The following PCNX4 variants were observed in gnomAD, a reference collection of about 807,000 sequenced individuals.
PCNX4 encodes the protein pecanex 4, also known as pecanex-like protein 4.
A neutral mutation model predicts 107.2 loss-of-function variants in PCNX4; 103 were observed. That is an observed-to-expected ratio of 0.96 (90% CI 0.82 to 1.13). PCNX4 has a LOEUF of 1.13. Among genes scored for constraint, PCNX4 ranks in the 50% most tolerant of loss-of-function variants. PCNX4 has a pLI of 0.00. For missense variants in PCNX4, 1,528 were observed against 1,379.4 expected, an observed-to-expected ratio of 1.11 and a Z score of -1.71; for synonymous variants, 541 against 481.7, an observed-to-expected ratio of 1.12 and a Z score of -1.61.
At chr14:60,108,621 T>G (rs1425564841) in intron 2 of PCNX4, 2 of 212,614 alleles carry the variant, frequency 9.4e-6, no homozygotes, top group African/African-American at 4.7e-5. Context: ...ATAGCCTGGC[T>G]AAAACCTGTG....
rs56808858 is a variant in PCNX4 at position 60,146,689 on chromosome 14, G to GTATA, written c.*12478_*12481dup. The GTATA allele has an allele frequency of 6.6e-6, 1 of 150,968 alleles. No individual in the cohort carries two copies. Among genetic ancestry groups the GTATA allele is most frequent in the African/African-American group, 2.4e-5 (1 of 40,970 alleles). 9.4% of individuals were successfully genotyped at this position (150,968 alleles called of 1,614,324 possible). ...AAAATGTGTGTGTGTGTCTGTGTGT[G>GTATA]TATATATATATATGGAATATTATTC... On this transcript the variant is annotated 3_prime_UTR_variant, in exon 11 of 11. Coordinates refer to ENST00000406854, the MANE Select transcript of PCNX4 (RefSeq NM_001330177.2). The surrounding 1 kb of genome is among the most constrained non-coding windows in gnomAD (Gnocchi z 4.9).
At chr14:60,130,604 C>T (rs1218230822) in intron 10 of PCNX4, among the ~76,000 whole-genome samples, 1 of 151,900 alleles carries the variant, frequency 6.6e-6, no homozygotes, top group African/African-American at 2.4e-5. Flanking sequence ...TTATGTACGC[C>T]CCGAATTTAT....
chr14:60,136,757 T>C lies in PCNX4; in HGVS notation c.*2536T>C, dbSNP rs1028836222. 1 of 152,604 alleles carries C rather than the reference T, an allele frequency of 6.6e-6. No individual in the cohort carries two copies. The highest frequency in any genetic ancestry group is 1.5e-5 in the Non-Finnish European group (1 of 68,172). 9.5% of individuals were successfully genotyped at this position (152,604 alleles called of 1,614,324 possible). ...TAAGATGCTCCCATGATGAGGTGGTTCTGGCCCTTGTTGTGGTGGGATGTC... is the reference window on the plus strand; with the variant it reads ...TAAGATGCTCCCATGATGAGGTGGTCCTGGCCCTTGTTGTGGTGGGATGTC... On this transcript the variant is annotated 3_prime_UTR_variant, in exon 11 of 11. Coordinates refer to ENST00000406854, the MANE Select transcript of PCNX4 (RefSeq NM_001330177.2).
chr14:60,123,627 A>G (rs1372299853), intron 8 of PCNX4, among the ~76,000 whole-genome samples: 1 of 152,164 alleles, frequency 6.6e-6, no homozygotes, highest in Non-Finnish European at 1.5e-5. Flanking sequence ...TATATTGATG[A>G]TATTCACTCA....
intron 8 of PCNX4, 141 bp from the exon 9 acceptor site, chr14:60,124,077 A>G (rs1338766214): frequency 1.6e-6 from 1 of 609,604 alleles, no homozygotes; most frequent in Admixed American, 3.6e-5. Flanking sequence ...TTAAGTCAGG[A>G]TGTTGCTCTT....
chr14:60,125,070 T>G lies in PCNX4; in HGVS notation c.2899T>G (p.Leu967Val). Residue 967 changes from leucine (L) to valine (V), a missense_variant, in exon 9 of 11, where the codon TTA (leucine) becomes GTA (valine). Leu to Val is a conservative substitution (Grantham distance 32). Transcript: ENST00000406854. ...VLEEIAKDKVLKDFYVHTVMT... is the reference protein window; with the variant it reads ...VLEEIAKDKVVKDFYVHTVMT... ...GGAAGAAATTGCCAAGGACAAAGTT[T>G]TAAAAGACTTTTATGTTCATACAGT... 6.2e-7 allele frequency: 1 copy of G among 1,613,538 alleles called. No individual in the cohort carries two copies. Among genetic ancestry groups the G allele is most frequent in the South Asian group, 1.1e-5 (1 of 91,044 alleles).
intron 10 of PCNX4, among the ~76,000 whole-genome samples, chr14:60,127,320 TTCCTTTCAAGGAGTTCATGTTTAA>T (rs1352907913): frequency 6.6e-6 from 1 of 152,182 alleles, no homozygotes; most frequent in African/African-American, 2.4e-5. Flanking sequence ...TCAAAAGCTA[TTCCTTTCAAGGAGTTCATGTTTAA>T]TTGGATCAGT....
intron 1 of PCNX4, among the ~76,000 whole-genome samples, chr14:60,103,775 T>A (rs1566930276): frequency 6.6e-6 from 1 of 152,206 alleles, no homozygotes; most frequent in Non-Finnish European, 1.5e-5. Context: ...ACTTCTGACA[T>A]CTTAAAATTC....
Position 60,107,696 on chromosome 14 carries a change from TTTC to T in PCNX4, c.59_61del (p.Phe20_Pro21delinsSer). The T allele has an allele frequency of 6.2e-7, 1 of 1,612,880 alleles. No homozygotes were observed. On this transcript the variant is annotated inframe_deletion, in exon 2 of 11. Coordinates refer to ENST00000406854, the MANE Select transcript of PCNX4 (RefSeq NM_001330177.2). Reference sequence around the variant, plus strand: ...CAAGCAGGACTTCTTTCTGAAGCGCTTTCCACAGACTGTTCTTGGAGGCCCTCG... The same window carrying T: ...CAAGCAGGACTTCTTTCTGAAGCGCTCACAGACTGTTCTTGGAGGCCCTCG...
At chr14:60,103,394 A>G (rs1044076601) in intron 1 of PCNX4, among the ~76,000 whole-genome samples, 1 of 152,216 alleles carries the variant, frequency 6.6e-6, no homozygotes, top group Non-Finnish European at 1.5e-5. Flanking sequence ...TAGTCTGCTG[A>G]TATCCATTGT....
intron 9 of PCNX4, 98 bp from the exon 10 acceptor site, chr14:60,125,539 C>A: frequency 1.1e-6 from 1 of 884,724 alleles, no homozygotes; most frequent in Non-Finnish European, 1.6e-6. Context: ...GATATGATTT[C>A]AGTTCAATGT....
chr14:60,097,077 G>C (rs866444688), intron 1 of PCNX4, among the ~76,000 whole-genome samples: 2 of 152,026 alleles, frequency 1.3e-5, no homozygotes, highest in South Asian at 4.1e-4. Flanking sequence ...CTGGCTACAA[G>C]TTTCTAAAAT....
Position 60,135,539 on chromosome 14 carries a change from G to C in PCNX4, c.*1318G>C, listed in dbSNP as rs1896228346. Reference sequence around the variant, plus strand: ...GAAATATTTTCTCATGTCGTTAAAAGTACTTGTAATTATCAGCTTTTTTTT... The same window carrying C: ...GAAATATTTTCTCATGTCGTTAAAACTACTTGTAATTATCAGCTTTTTTTT... On this transcript the variant is annotated 3_prime_UTR_variant, in exon 11 of 11. Coordinates refer to ENST00000406854, the MANE Select transcript of PCNX4 (RefSeq NM_001330177.2). The C allele has an allele frequency of 6.6e-6, 1 of 151,528 alleles. No homozygotes were observed. The highest frequency in any genetic ancestry group is 2.4e-5 in the African/African-American group (1 of 41,278). The allele number at this position is 151,528 out of a possible 1,614,324, so 9.4% of individuals were successfully genotyped here. A position where few individuals can be genotyped will look rare whatever the true frequency, so the allele number is the denominator to read the frequency against.
chr14:60,105,256 C>T (rs1267415817), intron 1 of PCNX4, among the ~76,000 whole-genome samples: 1 of 152,062 alleles, frequency 6.6e-6, no homozygotes, highest in Non-Finnish European at 1.5e-5. Flanking sequence ...GCAAAATTTT[C>T]AGAAATGTCT....
At chr14:60,126,587 A>C (rs1012069241) in intron 10 of PCNX4, among the ~76,000 whole-genome samples, 1 of 152,222 alleles carries the variant, frequency 6.6e-6, no homozygotes, top group African/African-American at 2.4e-5. Context: ...CCTGAACCTC[A>C]GCAAGATGGA....
At chr14:60,099,442 G>C (rs1251058763) in intron 1 of PCNX4, among the ~76,000 whole-genome samples, 3 of 152,172 alleles carry the variant, frequency 2.0e-5, no homozygotes, top group African/African-American at 7.2e-5. Context: ...TTTTGTTTAG[G>C]TTATTTATAA....
At chr14:60,128,487 A>G (rs1391915364) in intron 10 of PCNX4, among the ~76,000 whole-genome samples, 6 of 152,254 alleles carry the variant, frequency 3.9e-5, no homozygotes, top group Non-Finnish European at 8.8e-5. Context: ...CAAGGACCCT[A>G]TATCTAGCAA....
Position 60,138,796 on chromosome 14 carries a change from A to AAT in PCNX4, c.*4585_*4586dup, listed in dbSNP as rs1555331890. The AAT allele has an allele frequency of 2.0e-5, 3 of 152,088 alleles. No homozygotes were observed. Among genetic ancestry groups the AAT allele is most frequent in the Non-Finnish European group, 4.4e-5 (3 of 67,986 alleles). The allele number at this position is 152,088 out of a possible 1,614,324, so 9.4% of individuals were successfully genotyped here. On this transcript the variant is annotated 3_prime_UTR_variant, in exon 11 of 11. Coordinates refer to ENST00000406854, the MANE Select transcript of PCNX4 (RefSeq NM_001330177.2). The stretch of plus-strand genomic sequence containing the variant: ...AGGTAGGAATGAACAGTAATTTAAA[A>AAT]ATATATATATACAGTTTAAGTGAAT...
intron 2 of PCNX4, chr14:60,108,811 G>C (rs1895681500): frequency 6.5e-6 from 1 of 152,936 alleles, no homozygotes; most frequent in East Asian, 2.0e-4. Flanking sequence ...AAGAAAAGTA[G>C]AAAATAGTTT....
Sources: gnomAD v4.1 joint callset for allele counts (sites outside exome capture counted in the v4.1 genomes callset) on GRCh38, gnomAD v4.1.1 for gene constraint, Gnocchi (gnomAD v3.1) non-coding constraint, MANE v1.5 for transcripts, NCBI Gene and HGNC (gene_info 2026-07-23, HGNC 2026-07-21) for gene names.